Variants in AUTS2 observed in about 807,000 individuals in gnomAD.
AUTS2 encodes the protein autism susceptibility gene 2 protein.
In AUTS2, 17 loss-of-function variants were observed where a neutral mutation model predicts 112.4. That is an observed-to-expected ratio of 0.15 (90% CI 0.10 to 0.23). The LOEUF (loss-of-function observed/expected upper bound fraction) is 0.23. AUTS2 is among the 10% of genes least tolerant of loss of function. The pLI, the probability that AUTS2 is intolerant of heterozygous loss-of-function variation, is 1.00. For missense variants in AUTS2, 1,510 were observed against 1,701.6 expected (o/e 0.89, Z 1.98); for synonymous variants, 751 against 702.7 (o/e 1.07, Z -1.09).
intron 4 of AUTS2, among the ~76,000 whole-genome samples, chr7:70,221,266 TTTAAA>T (rs1811471312): frequency 1.3e-5 from 2 of 152,256 alleles, no homozygotes; most frequent in Non-Finnish European, 2.9e-5. Context: ...TTTGGTTTAT[TTTAAA>T]TTAAATTTCA....
chr7:70,632,463 C>T (rs1805312548), intron 5 of AUTS2, among the ~76,000 whole-genome samples: 1 of 151,880 alleles, frequency 6.6e-6, no homozygotes, highest in Admixed American at 6.6e-5. Flanking sequence ...CTTCACTTTG[C>T]TCTCTGACCT....
At chr7:70,588,635 G>A (rs1005465424) in intron 5 of AUTS2, among the ~76,000 whole-genome samples, 13 of 152,218 alleles carry the variant, frequency 8.5e-5, no homozygotes, top group Admixed American at 4.6e-4. Flanking sequence ...ACACAGTTCC[G>A]CTGTTGCCTT....
chr7:69,634,249 A>G (rs1794414514), intron 1 of AUTS2, among the ~76,000 whole-genome samples: 1 of 151,564 alleles, frequency 6.6e-6, no homozygotes, highest in Non-Finnish European at 1.5e-5. Context: ...CCTCCCGAGT[A>G]GCTGGGACTA....
chr7:70,120,643 G>A (rs1429485820), intron 3 of AUTS2, among the ~76,000 whole-genome samples: 1 of 151,976 alleles, frequency 6.6e-6, no homozygotes, highest in Non-Finnish European at 1.5e-5. Context: ...GTTAGTTTAG[G>A]GGACTAGAGC....
chr7:70,359,856 A>G (rs181901990), intron 4 of AUTS2, among the ~76,000 whole-genome samples: 2 of 152,326 alleles, frequency 1.3e-5, no homozygotes, highest in South Asian at 2.1e-4. Context: ...TGTGTTTTCT[A>G]TTGTGCTGCT....
intron 1 of AUTS2, among the ~76,000 whole-genome samples, chr7:69,613,702 TG>T (rs1345773463): frequency 1.3e-5 from 2 of 152,242 alleles, no homozygotes; most frequent in Non-Finnish European, 2.9e-5. Context: ...TATTTTGTCT[TG>T]TCTGCTTTTA....
At chr7:69,844,989 A>G (rs952546836) in intron 1 of AUTS2, among the ~76,000 whole-genome samples, 2 of 152,196 alleles carry the variant, frequency 1.3e-5, no homozygotes, top group Non-Finnish European at 2.9e-5. Context: ...TTCAATTATG[A>G]GTAATGGAAA....
At chr7:70,493,499 A>G (rs542837886) in intron 5 of AUTS2, among the ~76,000 whole-genome samples, 6 of 152,072 alleles carry the variant, frequency 3.9e-5, no homozygotes, top group Non-Finnish European at 7.4e-5. Flanking sequence ...GCTATATTCT[A>G]TTCTGGCCAA....
chr7:70,334,112 C>T (rs1425400899), intron 4 of AUTS2, among the ~76,000 whole-genome samples: 2 of 152,150 alleles, frequency 1.3e-5, no homozygotes, highest in Non-Finnish European at 2.9e-5. Flanking sequence ...CTGGGTAGAA[C>T]TTCCAGTGCA....
chr7:69,616,338 G>A (rs974548354), intron 1 of AUTS2, among the ~76,000 whole-genome samples: 2 of 152,142 alleles, frequency 1.3e-5, no homozygotes, highest in Non-Finnish European at 2.9e-5. Flanking sequence ...CCCTTGTACA[G>A]CATCTATCTC....
At chr7:69,636,055 C>G (rs1208107174) in intron 1 of AUTS2, among the ~76,000 whole-genome samples, 1 of 152,212 alleles carries the variant, frequency 6.6e-6, no homozygotes, top group Non-Finnish European at 1.5e-5. Context: ...CACAAGGGCT[C>G]TCCCTTGGTA....
chr7:70,278,568 C>T (rs1172327616), intron 4 of AUTS2, among the ~76,000 whole-genome samples: 1 of 151,808 alleles, frequency 6.6e-6, no homozygotes, highest in Non-Finnish European at 1.5e-5. Context: ...CAGAGTAAGA[C>T]AGTCTCTCAA....
intron 4 of AUTS2, among the ~76,000 whole-genome samples, chr7:70,392,615 T>A (rs574589160): frequency 1.3e-5 from 2 of 152,314 alleles, no homozygotes; most frequent in South Asian, 4.1e-4. Context: ...AAGCCTGTAT[T>A]TTCACATTAG....
chr7:70,354,727 A>C (rs1791915133), intron 4 of AUTS2, among the ~76,000 whole-genome samples: 1 of 152,248 alleles, frequency 6.6e-6, no homozygotes. Flanking sequence ...TAAGTGTAAA[A>C]CCTACGCCCT....
intron 5 of AUTS2, among the ~76,000 whole-genome samples, chr7:70,643,564 C>T (rs181162681): frequency 5.9e-5 from 9 of 152,146 alleles, no homozygotes; most frequent in East Asian, 5.8e-4. Flanking sequence ...AGCGAGACTC[C>T]GTCTAAAAAA....
intron 4 of AUTS2, among the ~76,000 whole-genome samples, chr7:70,211,636 G>A (rs906298994): frequency 1.3e-5 from 2 of 149,016 alleles, no homozygotes; most frequent in African/African-American, 2.5e-5. Context: ...GTGACAGAGC[G>A]AGACTCTGTC....
At chr7:69,747,800 T>C (rs563962923) in intron 1 of AUTS2, among the ~76,000 whole-genome samples, 108 of 151,424 alleles carry the variant, frequency 7.1e-4, no homozygotes, top group Non-Finnish European at 8.4e-4. Flanking sequence ...TGTGTGTGTG[T>C]GTGTGTGTGT....
intron 4 of AUTS2, among the ~76,000 whole-genome samples, chr7:70,138,547 C>T (rs141842490): frequency 6.6e-6 from 1 of 152,156 alleles, no homozygotes; most frequent in Non-Finnish European, 1.5e-5. Flanking sequence ...AGAACCACAG[C>T]CTCAAATAGC....
At chr7:69,974,750 C>T (rs1204102644) in intron 2 of AUTS2, among the ~76,000 whole-genome samples, 3 of 152,180 alleles carry the variant, frequency 2.0e-5, no homozygotes, top group Middle Eastern at 3.2e-3. Flanking sequence ...CTATTCTCTT[C>T]CAGAAACATA....
Sources: allele counts gnomAD v4.1 joint callset (sites outside exome capture counted in the v4.1 genomes callset), GRCh38; gene constraint gnomAD v4.1.1; transcripts MANE v1.5; gene names NCBI Gene and HGNC (gene_info 2026-07-23, HGNC 2026-07-21).